ANO1: variants seen among roughly 807,000 people sequenced by gnomAD.
The protein encoded by ANO1 is anoctamin 1, also known as anoctamin-1.
Under a neutral mutation model 124.0 loss-of-function variants are expected in ANO1, and 59 were observed. That is an observed-to-expected ratio of 0.48 (90% confidence interval 0.39 to 0.59). The LOEUF (loss-of-function observed/expected upper bound fraction) is 0.59. Ranked by LOEUF, ANO1 falls within the 20% of genes least tolerant of loss-of-function variation. The pLI, the probability that ANO1 is intolerant of heterozygous loss-of-function variation, is 0.00. For synonymous variants in ANO1, 529 were observed against 532.0 expected (o/e 0.99, Z 0.08); for missense variants, 1,059 against 1,328.0 (o/e 0.80, Z 3.15).
the ANO1 span, among the ~76,000 whole-genome samples, chr11:69,967,072 AC>A: frequency 1.8e-4 from 27 of 152,274 alleles, no homozygotes; most frequent in East Asian, 4.6e-3. Flanking sequence ...TGTTGTGACA[AC>A]CTAAAAATGT....
chr11:70,039,557 C>CACCTCCCCTTCCGCAGGTGGTAGTCCT (rs1266085726), intron 1 of ANO1, among the ~76,000 whole-genome samples: 24 of 151,786 alleles, frequency 1.6e-4, no homozygotes, highest in East Asian at 3.9e-4. Flanking sequence ...TTTCTAGTCC[C>CACCTCCCCTTCCGCAGGTGGTAGTCCT]ACCTCCCCTT....
intron 1 of ANO1, among the ~76,000 whole-genome samples, chr11:70,080,160 A>G (rs1049510650): frequency 2.0e-5 from 3 of 152,248 alleles, no homozygotes; most frequent in African/African-American, 7.2e-5. Context: ...ACTATTCCAT[A>G]GTGCTGGGCC....
chr11:70,038,895 G>A (rs1857137280), intron 1 of ANO1, among the ~76,000 whole-genome samples: 1 of 152,168 alleles, frequency 6.6e-6, no homozygotes, highest in Non-Finnish European at 1.5e-5. Flanking sequence ...AGAGGAGTGT[G>A]TATAACCTTC....
the ANO1 span, among the ~76,000 whole-genome samples, chr11:69,975,466 T>A: frequency 2.0e-5 from 3 of 152,298 alleles, no homozygotes; most frequent in East Asian, 5.8e-4. Flanking sequence ...AGCTGGCACC[T>A]ATCTGTACAA....
At chr11:70,155,658 T>A (rs1006081231) in intron 14 of ANO1, among the ~76,000 whole-genome samples, 2 of 152,198 alleles carry the variant, frequency 1.3e-5, no homozygotes, top group Admixed American at 1.3e-4. Context: ...CGCGGTCCAG[T>A]GGAGGGTGCG....
At chr11:69,993,026 G>A (rs1240931570) in intron 1 of ANO1, among the ~76,000 whole-genome samples, 1 of 152,310 alleles carries the variant, frequency 6.6e-6, no homozygotes, top group Non-Finnish European at 1.5e-5. Flanking sequence ...GCAGCTCATG[G>A]GGACATTTTG....
intron 4 of ANO1, among the ~76,000 whole-genome samples, chr11:70,104,450 G>A (rs1225356328): frequency 2.0e-5 from 3 of 151,916 alleles, no homozygotes; most frequent in Non-Finnish European, 4.4e-5. Context: ...CCGCACCCCT[G>A]CCCCGCCACC....
At chr11:70,111,795 G>A (rs578120402) in intron 7 of ANO1, 33 bp downstream of exon 7, 24 of 1,611,760 alleles carry the variant, frequency 1.5e-5, no homozygotes, top group African/African-American at 1.2e-4. Context: ...TTATCTCTGC[G>A]TCATTTGACT....
intron 25 of ANO1, among the ~76,000 whole-genome samples, chr11:70,186,497 T>C (rs2049134914): frequency 6.6e-6 from 1 of 152,078 alleles, no homozygotes; most frequent in African/African-American, 2.4e-5. Flanking sequence ...GGCAGTGGGC[T>C]GTCAGATGAC....
chr11:70,164,623 C>T (rs970290145), intron 19 of ANO1, among the ~76,000 whole-genome samples: 1 of 152,228 alleles, frequency 6.6e-6, no homozygotes, highest in Non-Finnish European at 1.5e-5. Flanking sequence ...GGTCACCATG[C>T]ATCACTGGTG....
intron 19 of ANO1, 57 bp downstream of exon 19, chr11:70,163,397 T>A (rs893795799): frequency 1.9e-6 from 3 of 1,584,990 alleles, no homozygotes; most frequent in African/African-American, 1.3e-5. Flanking sequence ...ACGATTTGTC[T>A]ACACCATGCA....
chr11:70,139,908 G>T (rs112273110), intron 11 of ANO1, among the ~76,000 whole-genome samples: 1 of 152,310 alleles, frequency 6.6e-6, no homozygotes, highest in African/African-American at 2.4e-5. Context: ...TGCTGAACAC[G>T]TGCCTTGCTT....
chr11:70,082,296 C>T (rs1172801939), intron 1 of ANO1, among the ~76,000 whole-genome samples: 1 of 152,246 alleles, frequency 6.6e-6, no homozygotes, highest in Non-Finnish European at 1.5e-5. Flanking sequence ...CCATGGCTCA[C>T]ACCTCTAAAT....
chr11:70,105,809 G>A, intron 5 of ANO1, 21 bp downstream of exon 5: 1 of 1,611,458 alleles, frequency 6.2e-7, no homozygotes, highest in Non-Finnish European at 8.5e-7. Flanking sequence ...CACGCGCCTG[G>A]AAACGGCTCA....
chr11:70,080,511 T>TG (rs1189537374), intron 1 of ANO1, among the ~76,000 whole-genome samples: 3 of 152,162 alleles, frequency 2.0e-5, no homozygotes, highest in African/African-American at 7.2e-5. Flanking sequence ...ATGGATGCTC[T>TG]GGGGGTAGAC....
At position 70,170,948 on chromosome 11, in the gene ANO1, G is replaced by A. The variant is rs533917729; in HGVS notation, c.2259G>A (p.Ala753=). ...CCTTCCCCCTGGCCCCACTGTTTGC[G>A]CTGCTGAACAACATCATCGAGATCC... ...VASFPLAPLF[A]LLNNIIEIRL... is the part of the protein sequence containing the mutation. The change falls in exon 22 of 26, where the codon GCG becomes GCA. Residue 753 remains alanine, a synonymous_variant. Transcript: ENST00000355303. 40 of 1,613,376 alleles carry A rather than the reference G, an allele frequency of 2.5e-5. No individual in the cohort carries two copies. The highest frequency in any genetic ancestry group is 5.3e-5 in the African/African-American group (4 of 74,984).
Position 70,105,026 on chromosome 11 carries a change from T to A in ANO1, c.693-708T>A, listed in dbSNP as rs548283057. ...CCCAAGCCCAGCCCTCTCCTCCAGA[T>A]CCAGAACAGGGGCTTGGGGCATTAG... On this transcript the variant is annotated intron_variant, in intron 4 of 25. Coordinates refer to ENST00000355303, the MANE Select transcript of ANO1 (RefSeq NM_018043.7). Among the ~76,000 whole-genome samples, 251 of 152,128 alleles carry A rather than the reference T, an allele frequency of 1.6e-3. 1 individual carries two copies. Among genetic ancestry groups the A allele is most frequent in the African/African-American group, 5.2e-3 (215 of 41,526 alleles).
chr11:70,155,650 C>T (rs958775796), intron 14 of ANO1, among the ~76,000 whole-genome samples: 1 of 152,226 alleles, frequency 6.6e-6, no homozygotes, highest in Non-Finnish European at 1.5e-5. Context: ...GGGCATGACG[C>T]GGTCCAGTGG....
chr11:70,128,569 G>A (rs768892074), intron 10 of ANO1, among the ~76,000 whole-genome samples: 19 of 152,224 alleles, frequency 1.2e-4, no homozygotes, highest in Non-Finnish European at 2.8e-4. Context: ...GGATTCAGCC[G>A]CTGTGGGCGG....
Sources: allele counts gnomAD v4.1 joint callset (sites outside exome capture counted in the v4.1 genomes callset), GRCh38; gene constraint gnomAD v4.1.1; transcripts MANE v1.5; gene names NCBI Gene and HGNC (gene_info 2026-07-23, HGNC 2026-07-21).